IQCJ: variants seen among roughly 807,000 people sequenced by gnomAD.
IQCJ encodes IQ domain-containing protein J.
IQCJ carries 9 observed loss-of-function variants against 11.0 expected under a neutral mutation model. The observed-to-expected ratio is 0.82, with a 90% CI of 0.49 to 1.43. The LOEUF is 1.43. IQCJ is among the 40% of genes most tolerant of loss of function. The pLI, the probability that IQCJ is intolerant of heterozygous loss-of-function variation, is 0.00. For missense variants in IQCJ, 146 were observed against 133.2 expected, an observed-to-expected ratio of 1.10 and a Z score of -0.47; for synonymous variants, 55 against 51.3, an observed-to-expected ratio of 1.07 and a Z score of -0.31.
chr3:159,134,525 T>A (rs1379094607), intron 1 of IQCJ, among the ~76,000 whole-genome samples: 4 of 152,076 alleles, frequency 2.6e-5, no homozygotes, highest in Admixed American at 6.5e-5. Context: ...AACCCAAGAG[T>A]GACCAGAACC....
chr3:159,126,404 A>G (rs1719680909), intron 1 of IQCJ, among the ~76,000 whole-genome samples: 1 of 152,202 alleles, frequency 6.6e-6, no homozygotes, highest in Non-Finnish European at 1.5e-5. Context: ...TCTCCTTCCC[A>G]ATTTCCTCTC....
chr3:159,265,317 C>T, downstream of IQCJ: 1 of 1,613,848 alleles, frequency 6.2e-7, no homozygotes, highest in South Asian at 1.1e-5. Flanking sequence ...TCTTCTCTAC[C>T]TTGACCAGCT....
chr3:159,237,668 T>C (rs2108171237), intron 1 of IQCJ, among the ~76,000 whole-genome samples: 1 of 152,312 alleles, frequency 6.6e-6, no homozygotes, highest in East Asian at 1.9e-4. Flanking sequence ...TAATTCAACT[T>C]GTATTTTGCA....
intron 1 of IQCJ, among the ~76,000 whole-genome samples, chr3:159,154,627 G>A (rs999928556): frequency 6.6e-6 from 1 of 152,060 alleles, no homozygotes; most frequent in Non-Finnish European, 1.5e-5. Context: ...TAGAGGTTTG[G>A]TCTACTCACT....
In IQCJ at chr3:159,095,840, T is replaced by C. The variant is rs1308713765; in HGVS notation, c.9+26399T>C. ...CAATAAACATACGTGTGCATGTGTCTTTATAGCAGCATGATTTATACTCAT... is the reference window on the plus strand; with the variant it reads ...CAATAAACATACGTGTGCATGTGTCCTTATAGCAGCATGATTTATACTCAT... On this transcript the variant is annotated intron_variant, in intron 1 of 3. Coordinates refer to ENST00000397832, the MANE Select transcript of IQCJ (RefSeq NM_001042706.3). Among the ~76,000 whole-genome samples, 2 of 834 alleles carry C rather than the reference T, an allele frequency of 2.4e-3. 1 individual carries two copies. Among genetic ancestry groups the C allele is most frequent in the African/African-American group, 0.014 (2 of 146 alleles). The allele number at this position is 834 out of a possible 152,430, so 0.5% of individuals were successfully genotyped here. A position where few individuals can be genotyped will look rare whatever the true frequency, so the allele number is the denominator to read the frequency against.
intron 1 of IQCJ, among the ~76,000 whole-genome samples, chr3:159,196,196 A>G (rs1038232518): frequency 6.6e-6 from 1 of 152,232 alleles, no homozygotes; most frequent in African/African-American, 2.4e-5. Context: ...CAATCAGTAC[A>G]GTATTTCACT....
At chr3:159,189,041 C>T (rs543265971) in intron 1 of IQCJ, among the ~76,000 whole-genome samples, 41 of 152,164 alleles carry the variant, frequency 2.7e-4, no homozygotes, top group African/African-American at 9.4e-4. Flanking sequence ...TTGGGGACTT[C>T]ATGGCACATC....
intron 1 of IQCJ, among the ~76,000 whole-genome samples, chr3:159,195,485 A>C (rs1362120500): frequency 6.6e-6 from 1 of 152,202 alleles, no homozygotes; most frequent in Non-Finnish European, 1.5e-5. Flanking sequence ...CTCTTCTGTA[A>C]GCTTAAATGG....
At chr3:159,245,810 C>A in intron 1 of IQCJ, 33 bp from the exon 2 acceptor site, 1 of 1,511,484 alleles carries the variant, frequency 6.6e-7, no homozygotes, top group South Asian at 1.2e-5. Flanking sequence ...TAGCTGGTGA[C>A]AATTTGTAAG....
chr3:159,201,859 G>A (rs182981320), intron 1 of IQCJ, among the ~76,000 whole-genome samples: 16 of 152,152 alleles, frequency 1.1e-4, no homozygotes, highest in East Asian at 1.9e-4. Flanking sequence ...TAAGTGAACA[G>A]GTCACTTATT....
intron 1 of IQCJ, among the ~76,000 whole-genome samples, chr3:159,151,135 G>A (rs1315646895): frequency 6.6e-6 from 1 of 152,148 alleles, no homozygotes; most frequent in East Asian, 1.9e-4. Context: ...CCAGAGCCCG[G>A]CTCTTTGGAA....
intron 1 of IQCJ, among the ~76,000 whole-genome samples, chr3:159,120,796 G>A (rs1054451341): frequency 3.9e-5 from 6 of 152,222 alleles, no homozygotes; most frequent in Admixed American, 3.9e-4. Context: ...GTCATAAGGA[G>A]TATGGTGGTA....
chr3:159,161,963 G>T (rs921290817), intron 1 of IQCJ, among the ~76,000 whole-genome samples: 1 of 152,190 alleles, frequency 6.6e-6, no homozygotes, highest in Non-Finnish European at 1.5e-5. Context: ...GTCAGGTAGC[G>T]TGATGCCTCC....
At position 159,110,505 on chromosome 3, in the gene IQCJ, A is replaced by G. The variant is rs779204210; in HGVS notation, c.9+41064A>G. ...TACAGGAAGGCTTTCTTCATGTCCAACCCAGACACAATGATTTGTTCCTCT... is the reference window on the plus strand; with the variant it reads ...TACAGGAAGGCTTTCTTCATGTCCAGCCCAGACACAATGATTTGTTCCTCT... On this transcript the variant is annotated intron_variant, in intron 1 of 3. Coordinates refer to ENST00000397832, the MANE Select transcript of IQCJ (RefSeq NM_001042706.3). 3.3e-5 allele frequency among the ~76,000 whole-genome samples: 5 copies of G among 152,114 alleles called. No homozygotes were observed. In the South Asian group the frequency reaches 1.0e-3, roughly 32 times the overall value.
chr3:159,238,692 C>T (rs1278628748), intron 1 of IQCJ, among the ~76,000 whole-genome samples: 2 of 152,082 alleles, frequency 1.3e-5, no homozygotes, highest in African/African-American at 2.4e-5. Flanking sequence ...GAAATATCTG[C>T]TTGAAGGAGG....
intron 1 of IQCJ, among the ~76,000 whole-genome samples, chr3:159,162,171 T>C (rs963493010): frequency 6.6e-6 from 1 of 152,174 alleles, no homozygotes; most frequent in Non-Finnish European, 1.5e-5. Flanking sequence ...GAGCATGGAA[T>C]GTTCTTCCAT....
At chr3:159,084,012 A>G (rs1418726302) in intron 1 of IQCJ, among the ~76,000 whole-genome samples, 1 of 152,076 alleles carries the variant, frequency 6.6e-6, no homozygotes, top group African/African-American at 2.4e-5. Context: ...GAACCCATAT[A>G]TGTGATAAAA....
At chr3:159,220,237 T>C (rs1034234931) in intron 1 of IQCJ, among the ~76,000 whole-genome samples, 1 of 152,236 alleles carries the variant, frequency 6.6e-6, no homozygotes, top group South Asian at 2.1e-4. Context: ...ATGGACTGAA[T>C]TGTGTCCCTG....
intron 1 of IQCJ, among the ~76,000 whole-genome samples, chr3:159,167,830 T>C (rs2108231689): frequency 6.6e-6 from 1 of 152,234 alleles, no homozygotes; most frequent in African/African-American, 2.4e-5. Flanking sequence ...GCTGTGAAGG[T>C]AAGACTATCA....
Sources: allele counts gnomAD v4.1 joint callset (sites outside exome capture counted in the v4.1 genomes callset), GRCh38; gene constraint gnomAD v4.1.1; transcripts MANE v1.5; gene names NCBI Gene and HGNC (gene_info 2026-07-23, HGNC 2026-07-21).